EML4: variants seen among roughly 807,000 people sequenced by gnomAD.
EML4 encodes the protein echinoderm microtubule-associated protein-like 4.
A neutral mutation model predicts 129.0 loss-of-function variants in EML4; 72 were observed. The observed-to-expected ratio is 0.56, with a 90% CI of 0.46 to 0.68. The LOEUF is 0.68. Among genes scored for constraint, EML4 ranks in the 30% least tolerant of loss-of-function variants. The pLI, the probability that EML4 is intolerant of heterozygous loss-of-function variation, is 0.00. For synonymous variants in EML4, 532 were observed against 405.0 expected (o/e 1.31, Z -3.77); for missense variants, 1,363 against 1,190.6 (o/e 1.14, Z -2.13).
intron 1 of EML4, among the ~76,000 whole-genome samples, chr2:42,218,632 A>T (rs1019141462): frequency 2.0e-5 from 3 of 152,092 alleles, no homozygotes; most frequent in Admixed American, 2.0e-4. Context: ...AGGAGAATTA[A>T]ATTTGCCCTA....
intron 13 of EML4, among the ~76,000 whole-genome samples, chr2:42,297,776 G>C (rs912394648): frequency 6.6e-6 from 1 of 152,154 alleles, no homozygotes; most frequent in African/African-American, 2.4e-5. Flanking sequence ...GTGACATCCT[G>C]TCTGATAAAA....
intron 2 of EML4, among the ~76,000 whole-genome samples, chr2:42,251,461 A>G (rs1675762579): frequency 1.3e-5 from 2 of 152,214 alleles, no homozygotes; most frequent in Admixed American, 6.5e-5. Flanking sequence ...CACTCAAAAT[A>G]TACTTTTAAG....
chr2:42,237,906 T>C (rs969595567), intron 1 of EML4, among the ~76,000 whole-genome samples: 1 of 152,176 alleles, frequency 6.6e-6, no homozygotes, highest in Admixed American at 6.5e-5. Flanking sequence ...TAAGTATGAA[T>C]AAGTTTTAAA....
Position 42,330,892 on chromosome 2 carries a change from T to G in EML4, c.*685T>G, listed in dbSNP as rs866641615. ...TCTTGTGTGCAACTCTGTTTTATCC[T>G]AGAACTAAGAGAGCATTGGTTTGTT... On this transcript the variant is annotated 3_prime_UTR_variant, in exon 23 of 23. Transcript: ENST00000318522. The G allele has an allele frequency of 2.9e-5, 6 of 204,778 alleles. No individual in the cohort carries two copies. The highest frequency in any genetic ancestry group is 2.9e-4 in the Admixed American group (5 of 17,256). The allele number at this position is 204,778 out of a possible 1,614,324, so 12.7% of individuals were successfully genotyped here.
At chr2:42,297,626 G>A (rs532215527) in intron 13 of EML4, among the ~76,000 whole-genome samples, 1 of 152,246 alleles carries the variant, frequency 6.6e-6, no homozygotes, top group Non-Finnish European at 1.5e-5. Flanking sequence ...GAAATAAATG[G>A]AAGTCCAGAC....
chr2:42,178,392 A>C (rs1245604985), intron 1 of EML4, among the ~76,000 whole-genome samples: 4 of 151,514 alleles, frequency 2.6e-5, no homozygotes, highest in African/African-American at 9.7e-5. Context: ...AAAAAAAAAA[A>C]CAAACAAAAA....
chr2:42,215,940 A>G (rs915959250), intron 1 of EML4, among the ~76,000 whole-genome samples: 2 of 150,958 alleles, frequency 1.3e-5, no homozygotes, highest in Non-Finnish European at 2.9e-5. Context: ...TTTTTTTTTG[A>G]AACGGAGTCT....
chr2:42,286,096 C>A, intron 9 of EML4, 173 bp from the exon 10 acceptor site: 1 of 633,660 alleles, frequency 1.6e-6, no homozygotes, highest in Non-Finnish European at 2.9e-6. Flanking sequence ...TTCTTATTTT[C>A]ACAGTATAAG....
rs530422419 is a variant in EML4, at chr2:42,205,463, G to A, written c.25+35827G>A. On this transcript the variant is annotated intron_variant, in intron 1 of 22. Coordinates refer to ENST00000318522, the MANE Select transcript of EML4 (RefSeq NM_019063.5). ...TTGCCCAATAATAATAATAATAGGTGTAGATGGTGTTGAATTAAATGCCCC... is the reference window on the plus strand; with the variant it reads ...TTGCCCAATAATAATAATAATAGGTATAGATGGTGTTGAATTAAATGCCCC... Among the ~76,000 whole-genome samples the A allele has an allele frequency of 7.2e-5, 11 of 152,304 alleles. No homozygotes were observed. The South Asian group carries it at 1.2e-3, about 17-fold the overall frequency.
At chr2:42,263,763 C>G (rs920691009) in intron 5 of EML4, among the ~76,000 whole-genome samples, 29 of 151,718 alleles carry the variant, frequency 1.9e-4, no homozygotes, top group African/African-American at 5.8e-4. Context: ...TGGAGTCTCA[C>G]TCTGTTGCCA....
chr2:42,314,051 A>G (rs1197889929), intron 17 of EML4, among the ~76,000 whole-genome samples: 1 of 151,716 alleles, frequency 6.6e-6, no homozygotes, highest in Admixed American at 6.6e-5. Context: ...GGAGCAGGTA[A>G]AAAATAAAGA....
intron 1 of EML4, among the ~76,000 whole-genome samples, chr2:42,174,282 A>G (rs750367704): frequency 3.3e-5 from 5 of 152,222 alleles, no homozygotes; most frequent in Admixed American, 6.5e-5. Context: ...TCCCAAATCT[A>G]TAGTATATTT....
At chr2:42,312,948 T>G (rs1382163580) in intron 17 of EML4, among the ~76,000 whole-genome samples, 1 of 55,134 alleles carries the variant, frequency 1.8e-5, no homozygotes, top group African/African-American at 1.3e-4. Flanking sequence ...ATGTATATCT[T>G]TTTTTTTTTT....
At chr2:42,228,937 C>T (rs1674148526) in intron 1 of EML4, among the ~76,000 whole-genome samples, 1 of 152,120 alleles carries the variant, frequency 6.6e-6, no homozygotes, top group South Asian at 2.1e-4. Flanking sequence ...TTCACTGTCT[C>T]CTGCTAATTC....
At chr2:42,185,672 C>A (rs1310939318) in intron 1 of EML4, among the ~76,000 whole-genome samples, 1 of 152,158 alleles carries the variant, frequency 6.6e-6, no homozygotes. Flanking sequence ...TACTGATTAT[C>A]TTCAGCGTCA....
At chr2:42,323,803 G>T (rs539354209) in intron 19 of EML4, among the ~76,000 whole-genome samples, 160 of 151,602 alleles carry the variant, frequency 1.1e-3, no homozygotes, top group Non-Finnish European at 1.9e-3. Flanking sequence ...AATTAGCGGG[G>T]CGTGGTGATG....
intron 17 of EML4, among the ~76,000 whole-genome samples, chr2:42,315,158 C>T (rs1168492412): frequency 6.6e-6 from 1 of 152,158 alleles, no homozygotes; most frequent in Non-Finnish European, 1.5e-5. Context: ...GTTCCTCCTG[C>T]CTAAAATGTC....
chr2:42,241,240 C>T (rs983050579), intron 1 of EML4, among the ~76,000 whole-genome samples: 1 of 152,010 alleles, frequency 6.6e-6, no homozygotes, highest in African/African-American at 2.4e-5. Context: ...TTATTGAATT[C>T]TCAAAGAAAT....
intron 1 of EML4, among the ~76,000 whole-genome samples, chr2:42,223,276 TTACTG>T (rs998627676): frequency 6.6e-6 from 1 of 152,156 alleles, no homozygotes; most frequent in African/African-American, 2.4e-5. Context: ...TACGTAAAGA[TTACTG>T]TTCAGAACTG....
Sources: allele counts gnomAD v4.1 joint callset (sites outside exome capture counted in the v4.1 genomes callset), GRCh38; gene constraint gnomAD v4.1.1; transcripts MANE v1.5; gene names NCBI Gene and HGNC (gene_info 2026-07-23, HGNC 2026-07-21).